Variants in EPHA5 observed in about 807,000 individuals in gnomAD.
EPHA5 encodes ephrin type-A receptor 5.
A neutral mutation model predicts 105.0 loss-of-function variants in EPHA5; 60 were observed. The ratio of observed to expected loss-of-function variants is 0.57; its 90% CI spans 0.46 to 0.71. The LOEUF is 0.71. EPHA5 is among the 30% of genes least tolerant of loss of function. EPHA5 has a pLI of 0.00. For missense variants in EPHA5, 1,218 were observed against 1,274.7 expected (o/e 0.96, Z 0.68); for synonymous variants, 513 against 449.1 (o/e 1.14, Z -1.80).
intron 6 of EPHA5, among the ~76,000 whole-genome samples, chr4:65,419,744 T>G (rs1009553146): frequency 6.6e-6 from 1 of 152,128 alleles, no homozygotes; most frequent in African/African-American, 2.4e-5. Flanking sequence ...TTTTAGAAAT[T>G]AGAAGCTTTT....
At chr4:65,377,177 C>T (rs1719096093) in intron 8 of EPHA5, 2 of 892,178 alleles carry the variant, frequency 2.2e-6, no homozygotes, top group Admixed American at 3.6e-5. Flanking sequence ...AAATCAAAAA[C>T]CTCTAAATGC....
Position 65,322,318 on chromosome 4 carries a change from T to C in EPHA5, c.*1796A>G, listed in dbSNP as rs1167869262. ...AAGTAGTTATTTCCCAAAAGTTTAT[T>C]CTTATATGTGCTAATATTCAAATAA... On this transcript the variant is annotated 3_prime_UTR_variant, in exon 17 of 17. Transcript: ENST00000613740. The C allele has an allele frequency of 1.8e-5, 4 of 224,444 alleles. No homozygotes were observed. The Admixed American group carries it at 2.3e-4, about 13-fold the overall frequency. The allele number at this position is 224,444 out of a possible 1,614,324, so 13.9% of individuals were successfully genotyped here.
intron 5 of EPHA5, among the ~76,000 whole-genome samples, chr4:65,424,574 T>C (rs1342392920): frequency 6.6e-6 from 1 of 152,050 alleles, no homozygotes; most frequent in Non-Finnish European, 1.5e-5. Context: ...TTGTAAAATA[T>C]TAGAAAATTG....
chr4:65,539,945 A>T (rs1736658506), intron 3 of EPHA5, among the ~76,000 whole-genome samples: 1 of 151,454 alleles, frequency 6.6e-6, no homozygotes, highest in South Asian at 2.1e-4. Context: ...TTATTTCCCT[A>T]AAAAATGATT....
At chr4:65,659,515 G>A (rs1459531985) in intron 1 of EPHA5, among the ~76,000 whole-genome samples, 2 of 151,892 alleles carry the variant, frequency 1.3e-5, no homozygotes, top group Non-Finnish European at 2.9e-5. Flanking sequence ...AGCTGATCAA[G>A]CGTTTAATGA....
At chr4:65,384,400 A>G (rs141673557) in intron 8 of EPHA5, among the ~76,000 whole-genome samples, 1 of 152,108 alleles carries the variant, frequency 6.6e-6, no homozygotes, top group East Asian at 1.9e-4. Flanking sequence ...CTTTGTAGCA[A>G]TCAGACCAAA....
intron 15 of EPHA5, 87 bp from the exon 16 acceptor site, chr4:65,332,215 G>T (rs929406186): frequency 9.4e-7 from 1 of 1,060,606 alleles, no homozygotes; most frequent in Admixed American, 3.3e-5. Flanking sequence ...ATATTCAATG[G>T]ATCTTTGAGT....
chr4:65,488,223 T>C (rs1016392451), intron 5 of EPHA5, among the ~76,000 whole-genome samples: 3 of 152,184 alleles, frequency 2.0e-5, no homozygotes, highest in Non-Finnish European at 4.4e-5. Context: ...AAGACAACTA[T>C]AGCAAATATT....
intron 3 of EPHA5, among the ~76,000 whole-genome samples, chr4:65,557,473 T>C (rs1738576507): frequency 6.6e-6 from 1 of 151,824 alleles, no homozygotes; most frequent in Non-Finnish European, 1.5e-5. Context: ...TAGGGTATCA[T>C]GTGAAAATCT....
chr4:65,554,965 C>A (rs1351864690), intron 3 of EPHA5, among the ~76,000 whole-genome samples: 1 of 92,552 alleles, frequency 1.1e-5, no homozygotes, highest in African/African-American at 3.9e-5. Flanking sequence ...GTTATCACTT[C>A]ACCCCTATAC....
intron 5 of EPHA5, among the ~76,000 whole-genome samples, chr4:65,480,868 T>TTAATAATAATAA (rs36050106): frequency 2.0e-5 from 3 of 149,520 alleles, no homozygotes; most frequent in East Asian, 2.0e-4. Flanking sequence ...AATACAAACA[T>TTAATAATAATAA]TAATAATAAT....
In EPHA5 at chr4:65,670,121, T is replaced by C. The variant is rs1037650964; in HGVS notation, c.-379A>G. 44 of 277,258 alleles carry C rather than the reference T, an allele frequency of 1.6e-4. No individual in the cohort carries two copies. The East Asian group carries it at 2.4e-3, about 15-fold the overall frequency. The allele number at this position is 277,258 out of a possible 1,614,324, so 17.2% of individuals were successfully genotyped here. The stretch of plus-strand genomic sequence containing the variant: ...GGTGAAGGTTCTTTGCAGCCTTCAG[T>C]GTTGAAATGGACGAAGGTAAGGAAG... On this transcript the variant is annotated 5_prime_UTR_variant, in exon 1 of 17. Coordinates refer to ENST00000613740, the MANE Select transcript of EPHA5 (RefSeq NM_001281766.3).
At chr4:65,334,730 A>C (rs186536680) in intron 15 of EPHA5, among the ~76,000 whole-genome samples, 2 of 152,142 alleles carry the variant, frequency 1.3e-5, no homozygotes, top group African/African-American at 4.8e-5. Context: ...TGAAATAAGA[A>C]AATTATTTAG....
In EPHA5 at chr4:65,353,055, T is replaced by C; in HGVS notation, c.2222A>G (p.Asp741Gly). The change falls in exon 12 of 17, where the codon GAT becomes GGT. Residue 741 changes from aspartate to glycine, a missense_variant. Physicochemically the swap from Asp to Gly is moderately conservative, Grantham distance 94 (BLOSUM62 -1). Transcript: ENST00000613740. ...VTEYMENGSL[D>G]TFLKKNDGQF... Reference sequence around the variant, plus strand: ...CCCCAATCCTACCTTCAAAAATGTATCTAAAGAGCCATTCTCCATATACTC... The same window carrying C: ...CCCCAATCCTACCTTCAAAAATGTACCTAAAGAGCCATTCTCCATATACTC... The C allele has an allele frequency of 1.3e-6, 2 of 1,556,128 alleles. No individual in the cohort carries two copies. Among genetic ancestry groups the C allele is most frequent in the Non-Finnish European group, 1.7e-6 (2 of 1,152,730 alleles).
At chr4:65,598,680 G>A (rs1472005960) in intron 3 of EPHA5, among the ~76,000 whole-genome samples, 1 of 152,100 alleles carries the variant, frequency 6.6e-6, no homozygotes, top group South Asian at 2.1e-4. Context: ...GATTGATTGG[G>A]GCATCTTCTC....
intron 8 of EPHA5, among the ~76,000 whole-genome samples, chr4:65,382,367 T>C (rs758260702): frequency 6.6e-6 from 1 of 151,750 alleles, no homozygotes; most frequent in Non-Finnish European, 1.5e-5. Flanking sequence ...GAGATCATTA[T>C]AAAACATTAA....
At chr4:65,565,160 T>G (rs1739404239) in intron 3 of EPHA5, among the ~76,000 whole-genome samples, 1 of 151,710 alleles carries the variant, frequency 6.6e-6, no homozygotes, top group Non-Finnish European at 1.5e-5. Flanking sequence ...ACTAAGACTA[T>G]TCCCAAATCA....
rs192864979 is a variant in EPHA5, at chr4:65,449,101, G to A, written c.1403-28536C>T. On this transcript the variant is annotated intron_variant, in intron 5 of 16. Coordinates refer to ENST00000613740, the MANE Select transcript of EPHA5 (RefSeq NM_001281766.3). ...TACATATTAAGAAAAAAATTCATTGGGTTAAAAACAATAAAAATTACTACC... is the reference window on the plus strand; with the variant it reads ...TACATATTAAGAAAAAAATTCATTGAGTTAAAAACAATAAAAATTACTACC... 2.6e-3 allele frequency among the ~76,000 whole-genome samples: 389 copies of A among 151,834 alleles called. 1 individual carries two copies. Among genetic ancestry groups the A allele is most frequent in the African/African-American group, 8.4e-3 (350 of 41,422 alleles).
chr4:65,428,736 A>G (rs980182404), intron 5 of EPHA5, among the ~76,000 whole-genome samples: 1 of 152,106 alleles, frequency 6.6e-6, no homozygotes, highest in African/African-American at 2.4e-5. Context: ...TTCCAGCAGG[A>G]AACGAAAGTA....
Sources: allele counts gnomAD v4.1 joint callset (sites outside exome capture counted in the v4.1 genomes callset), GRCh38; gene constraint gnomAD v4.1.1; transcripts MANE v1.5; gene names NCBI Gene and HGNC (gene_info 2026-07-23, HGNC 2026-07-21).